BMPR1B: variants seen among roughly 807,000 people sequenced by gnomAD.
BMPR1B encodes bone morphogenetic protein receptor type-1B.
Under a neutral mutation model 59.1 loss-of-function variants are expected in BMPR1B, and 12 were observed. The ratio of observed to expected loss-of-function variants is 0.20; its 90% CI spans 0.13 to 0.33. The LOEUF is 0.33. BMPR1B is among the 10% of genes least tolerant of loss of function. The pLI, the probability that BMPR1B is intolerant of heterozygous loss-of-function variation, is 1.00. For missense variants in BMPR1B, 550 were observed against 610.9 expected, an observed-to-expected ratio of 0.90 and a Z score of 1.05; for synonymous variants, 237 against 207.3, an observed-to-expected ratio of 1.14 and a Z score of -1.23.
intron 3 of BMPR1B, among the ~76,000 whole-genome samples, chr4:95,036,390 A>C (rs899038484): frequency 1.3e-5 from 2 of 152,088 alleles, no homozygotes; most frequent in African/African-American, 4.8e-5. Flanking sequence ...CTGGTAACAA[A>C]CATCCTATAC....
At chr4:94,771,016 T>G (rs781378633) in intron 1 of BMPR1B, among the ~76,000 whole-genome samples, 19 of 152,084 alleles carry the variant, frequency 1.2e-4, no homozygotes, top group Non-Finnish European at 2.4e-4. Context: ...AAGAAGTAAT[T>G]ATAACACGAA....
At chr4:95,132,608 TC>T (rs1038173280) in intron 10 of BMPR1B, among the ~76,000 whole-genome samples, 3 of 151,438 alleles carry the variant, frequency 2.0e-5, no homozygotes, top group African/African-American at 7.3e-5. Context: ...AAATCCTTTC[TC>T]CCTTCTGATT....
chr4:94,961,211 A>T (rs1223608873), intron 2 of BMPR1B, among the ~76,000 whole-genome samples: 1 of 152,120 alleles, frequency 6.6e-6, no homozygotes, highest in Non-Finnish European at 1.5e-5. Flanking sequence ...TCAGTAAATG[A>T]TGGTCTGCAG....
chr4:95,015,251 G>T (rs555502502), intron 3 of BMPR1B, among the ~76,000 whole-genome samples: 10 of 152,276 alleles, frequency 6.6e-5, no homozygotes, highest in Admixed American at 6.5e-4. Context: ...AAATGTTCTT[G>T]ACAAAGTAGT....
At chr4:95,125,831 C>T (rs1458417813) in intron 8 of BMPR1B, among the ~76,000 whole-genome samples, 2 of 152,018 alleles carry the variant, frequency 1.3e-5, no homozygotes, top group African/African-American at 4.8e-5. Context: ...GTAAAATATC[C>T]TAATACCCAA....
At chr4:94,777,393 T>G (rs767944278) in intron 1 of BMPR1B, among the ~76,000 whole-genome samples, 7 of 152,154 alleles carry the variant, frequency 4.6e-5, no homozygotes, top group Non-Finnish European at 1.0e-4. Flanking sequence ...ACAGGAGTTT[T>G]TACTGCTTAC....
At chr4:94,989,957 C>A (rs1721635575) in intron 2 of BMPR1B, among the ~76,000 whole-genome samples, 1 of 152,188 alleles carries the variant, frequency 6.6e-6, no homozygotes, top group Non-Finnish European at 1.5e-5. Flanking sequence ...ATTAAAGTCA[C>A]AGTGAAATTC....
chr4:94,849,334 C>T (rs576452282), intron 1 of BMPR1B, among the ~76,000 whole-genome samples: 5 of 152,080 alleles, frequency 3.3e-5, no homozygotes, highest in South Asian at 2.1e-4. Context: ...GGAGAGTCAA[C>T]GGGTGCCCTT....
At chr4:95,111,245 A>G (rs1348280480) in intron 4 of BMPR1B, among the ~76,000 whole-genome samples, 3 of 152,112 alleles carry the variant, frequency 2.0e-5, no homozygotes, top group East Asian at 1.9e-4. Flanking sequence ...AATACTTTAA[A>G]TAATTGTTTT....
chr4:94,888,843 A>G (rs954563903), intron 2 of BMPR1B, among the ~76,000 whole-genome samples: 1 of 152,086 alleles, frequency 6.6e-6, no homozygotes. Flanking sequence ...TTAATGATAT[A>G]CTTCTAATAT....
chr4:94,797,067 T>TCA (rs1723220894), intron 1 of BMPR1B, among the ~76,000 whole-genome samples: 2 of 152,186 alleles, frequency 1.3e-5, no homozygotes, highest in Non-Finnish European at 2.9e-5. Flanking sequence ...TCCACATGGC[T>TCA]GGGGAGGCCT....
At chr4:95,062,532 C>CT (rs1292843551) in intron 3 of BMPR1B, among the ~76,000 whole-genome samples, 2 of 151,954 alleles carry the variant, frequency 1.3e-5, no homozygotes, top group Non-Finnish European at 2.9e-5. Flanking sequence ...AATGGAGCAT[C>CT]TTTTTTTTCC....
rs187900753 is a variant in BMPR1B, at chr4:94,984,301, G to C, written c.-112-11739G>C. ...ATAGATGCATTTTCCAGTAACACCT[G>C]ATATGCATTTTAAAATGTAGCTTTT... On this transcript the variant is annotated intron_variant, in intron 2 of 12. Coordinates refer to ENST00000515059, the MANE Select transcript of BMPR1B (RefSeq NM_001203.3). 6.8e-3 allele frequency among the ~76,000 whole-genome samples: 1,035 copies of C among 152,258 alleles called. 12 individuals are homozygous for C. The highest frequency in any genetic ancestry group is 6.4e-3 in the Non-Finnish European group (433 of 68,014).
At chr4:94,821,302 C>T (rs1333476249) in intron 1 of BMPR1B, among the ~76,000 whole-genome samples, 1 of 152,090 alleles carries the variant, frequency 6.6e-6, no homozygotes. Flanking sequence ...CATTAGTAAG[C>T]ACTTAAGGGG....
At chr4:94,763,229 T>C (rs10049681) in intron 1 of BMPR1B, among the ~76,000 whole-genome samples, 58,338 of 152,078 alleles carry the variant, frequency 0.38, 12,137 homozygotes, top group African/African-American at 0.54. Flanking sequence ...TTCCTCTAAT[T>C]AGGTCTGAGT....
At chr4:94,878,359 A>C (rs1198030824) in intron 2 of BMPR1B, among the ~76,000 whole-genome samples, 3 of 152,230 alleles carry the variant, frequency 2.0e-5, no homozygotes, top group African/African-American at 7.2e-5. Flanking sequence ...CTAAACATTT[A>C]GAAAAGGTGC....
intron 1 of BMPR1B, among the ~76,000 whole-genome samples, chr4:94,777,561 T>C (rs1722422328): frequency 6.6e-6 from 1 of 152,150 alleles, no homozygotes; most frequent in Non-Finnish European, 1.5e-5. Context: ...CAGAAATCCT[T>C]GTAGTCAATG....
At chr4:94,839,884 T>G (rs1314804717) in intron 1 of BMPR1B, among the ~76,000 whole-genome samples, 1 of 151,618 alleles carries the variant, frequency 6.6e-6, no homozygotes, top group Non-Finnish European at 1.5e-5. Context: ...GGCATGATTT[T>G]GCAGTGGCTG....
chr4:95,020,009 C>T (rs1723857586), intron 3 of BMPR1B, among the ~76,000 whole-genome samples: 3 of 151,884 alleles, frequency 2.0e-5, no homozygotes, highest in Non-Finnish European at 4.4e-5. Context: ...GTGTTATGCA[C>T]CTTATAGTTT....
Sources: gnomAD v4.1 joint callset for allele counts (sites outside exome capture counted in the v4.1 genomes callset) on GRCh38, gnomAD v4.1.1 for gene constraint, MANE v1.5 for transcripts, NCBI Gene and HGNC (gene_info 2026-07-23, HGNC 2026-07-21) for gene names.